The following PCDH11Y variants were observed in gnomAD, a reference collection of about 807,000 sequenced individuals.
PCDH11Y encodes protocadherin-11 Y-linked.
For synonymous variants in PCDH11Y, 9 were observed against 83.6 expected, an observed-to-expected ratio of 0.11 and a Z score of 4.87; for missense variants, 12 against 224.8, an observed-to-expected ratio of 0.05 and a Z score of 6.05.
chrY:5,414,742 T>G, intron 2 of PCDH11Y, among the ~76,000 whole-genome samples: 3 of 32,746 alleles, frequency 9.2e-5, no homozygotes, highest in African/African-American at 3.6e-4. Context: ...TTCTTTGTTT[T>G]GTTGCTGTTG....
chrY:5,468,651 T>C (rs1602929790), intron 2 of PCDH11Y, among the ~76,000 whole-genome samples: 1 of 31,202 alleles, frequency 3.2e-5, no homozygotes, highest in African/African-American at 1.3e-4. Flanking sequence ...AGGCCTCACT[T>C]TTTTTAAAAA....
At chrY:5,149,823 G>GC (rs2052862645) in intron 2 of PCDH11Y, among the ~76,000 whole-genome samples, 1 of 31,224 alleles carries the variant, frequency 3.2e-5, no homozygotes. Context: ...ATTGGATGAG[G>GC]CCCCCCCACA....
At chrY:5,347,785 CTCGGTTCATCACAA>C (rs2053153794) in intron 2 of PCDH11Y, among the ~76,000 whole-genome samples, 1 of 33,061 alleles carries the variant, frequency 3.0e-5, no homozygotes, top group Non-Finnish European at 7.4e-5. Flanking sequence ...CTTATTACTA[CTCGGTTCATCACAA>C]TCTAGTGATT....
intron 2 of PCDH11Y, among the ~76,000 whole-genome samples, chrY:5,255,795 C>T: frequency 3.0e-5 from 1 of 33,251 alleles, no homozygotes; most frequent in Non-Finnish European, 7.5e-5. Flanking sequence ...TAACAATCAA[C>T]GTTGAGCAAC....
At chrY:5,288,079 A>C in intron 2 of PCDH11Y, among the ~76,000 whole-genome samples, 1 of 32,682 alleles carries the variant, frequency 3.1e-5, no homozygotes, top group Non-Finnish European at 7.5e-5. Context: ...CTTGGATTGC[A>C]TTTCAAGTTT....
intron 2 of PCDH11Y, among the ~76,000 whole-genome samples, chrY:5,316,595 AT>A (rs2053107620): frequency 6.1e-5 from 2 of 32,969 alleles, no homozygotes; most frequent in African/African-American, 2.4e-4. Context: ...GGGGTAAAAT[AT>A]TTTTAATTTC....
At chrY:5,475,708 T>C (rs1602930780) in intron 2 of PCDH11Y, among the ~76,000 whole-genome samples, 2 of 32,104 alleles carry the variant, frequency 6.2e-5, no homozygotes, top group East Asian at 1.7e-3. Context: ...AATGGCAATA[T>C]GTTCTGAGAA....
intron 3 of PCDH11Y, among the ~76,000 whole-genome samples, chrY:5,543,791 C>T: frequency 3.0e-5 from 1 of 33,647 alleles, no homozygotes; most frequent in Non-Finnish European, 7.4e-5. Flanking sequence ...AAAATTATGT[C>T]ATTTCTGTTG....
At chrY:5,555,027 C>T (rs2053422321) in intron 3 of PCDH11Y, among the ~76,000 whole-genome samples, 2 of 31,627 alleles carry the variant, frequency 6.3e-5, no homozygotes, top group East Asian at 8.8e-4. Context: ...CACCAGCCCA[C>T]GAAAGCAGTT....
intron 2 of PCDH11Y, among the ~76,000 whole-genome samples, chrY:5,249,875 A>G: frequency 3.1e-5 from 1 of 32,702 alleles, no homozygotes. Flanking sequence ...CCCCATCAAA[A>G]AGTGGACAAA....
chrY:5,049,779 T>C, intron 3 of PCDH11Y, among the ~76,000 whole-genome samples: 2 of 32,293 alleles, frequency 6.2e-5, no homozygotes, highest in Non-Finnish European at 1.5e-4. Context: ...GCCAGAATGG[T>C]CTCCATCTCC....
intron 2 of PCDH11Y, among the ~76,000 whole-genome samples, chrY:5,417,432 G>C: frequency 3.2e-5 from 1 of 31,612 alleles, no homozygotes; most frequent in Admixed American, 3.0e-4. Context: ...AAAGGTGAGA[G>C]GCATGATAAA....
chrY:5,628,238 C>G, intron 4 of PCDH11Y, among the ~76,000 whole-genome samples: 2 of 34,520 alleles, frequency 5.8e-5, no homozygotes, highest in African/African-American at 2.3e-4. Context: ...AAAATTAAAG[C>G]AGCAACAAGG....
intron 2 of PCDH11Y, among the ~76,000 whole-genome samples, chrY:5,118,531 T>G (rs2052814389): frequency 3.2e-5 from 1 of 30,944 alleles, no homozygotes; most frequent in South Asian, 7.9e-4. Context: ...CCTGGCCTTA[T>G]TTTATATTGA....
downstream of PCDH11Y, among the ~76,000 whole-genome samples, chrY:5,107,296 G>C: frequency 3.0e-5 from 1 of 33,748 alleles, no homozygotes; most frequent in Admixed American, 2.7e-4. Context: ...CTCTTAGAAT[G>C]CAGCGTCTCT....
At chrY:5,555,099 C>T in intron 3 of PCDH11Y, among the ~76,000 whole-genome samples, 1 of 31,782 alleles carries the variant, frequency 3.1e-5, no homozygotes, top group Non-Finnish European at 7.7e-5. Context: ...ATGGGAACTA[C>T]CTCTTGCATC....
intron 1 of PCDH11Y, among the ~76,000 whole-genome samples, chrY:5,065,018 T>C: frequency 3.0e-5 from 1 of 33,267 alleles, no homozygotes; most frequent in Non-Finnish European, 7.4e-5. Flanking sequence ...CACTTGGCCA[T>C]ATTTATTATG....
At chrY:5,144,959 G>C in intron 2 of PCDH11Y, among the ~76,000 whole-genome samples, 1 of 25,988 alleles carries the variant, frequency 3.8e-5, no homozygotes, top group Non-Finnish European at 8.7e-5. Flanking sequence ...TTCTCTGCTT[G>C]TTCATCCCTC....
intron 2 of PCDH11Y, among the ~76,000 whole-genome samples, chrY:5,425,516 T>C (rs368208054): frequency 2.1e-4 from 7 of 33,196 alleles, no homozygotes; most frequent in African/African-American, 5.8e-4. Flanking sequence ...TGGTAGACTG[T>C]TTTCTGCTTT....
Sources: allele counts gnomAD v4.1 joint callset (sites outside exome capture counted in the v4.1 genomes callset), GRCh38; gene constraint gnomAD v4.1.1; transcripts MANE v1.5; gene names NCBI Gene and HGNC (gene_info 2026-07-23, HGNC 2026-07-21).